CHST15: variants seen among roughly 807,000 people sequenced by gnomAD.
CHST15 encodes the protein B cell RAG associated protein (GALNAC4S-6ST).
CHST15 carries 30 observed loss-of-function variants against 53.6 expected under a neutral mutation model. That is an observed-to-expected ratio of 0.56 (90% CI 0.42 to 0.76). CHST15 has a LOEUF of 0.76. Ranked by LOEUF, CHST15 falls within the 30% of genes least tolerant of loss-of-function variation. CHST15 has a pLI of 0.00. For missense variants in CHST15, 627 were observed against 740.5 expected, an observed-to-expected ratio of 0.85 and a Z score of 1.78; for synonymous variants, 296 against 289.8, an observed-to-expected ratio of 1.02 and a Z score of -0.22.
intron 1 of CHST15, among the ~76,000 whole-genome samples, chr10:124,077,486 T>C (rs555473711): frequency 6.6e-6 from 1 of 152,306 alleles, no homozygotes; most frequent in Admixed American, 6.5e-5. Context: ...CTGTCAAATT[T>C]ACGAGCCGAG....
At chr10:124,010,906 T>G (rs944435169) in intron 7 of CHST15, 5 of 985,310 alleles carry the variant, frequency 5.1e-6, no homozygotes, top group Non-Finnish European at 6.0e-6. Flanking sequence ...AACCTCCATC[T>G]GCAGCAAGGA....
intron 1 of CHST15, among the ~76,000 whole-genome samples, chr10:124,051,566 AC>A (rs1948198292): frequency 6.6e-6 from 1 of 152,196 alleles, no homozygotes; most frequent in Admixed American, 6.5e-5. Flanking sequence ...GGCCCTTGGC[AC>A]TTCCGTTCAT....
chr10:124,042,189 G>GGT, intron 4 of CHST15, 112 bp downstream of exon 4: 1 of 1,107,440 alleles, frequency 9.0e-7, no homozygotes, highest in Admixed American at 2.3e-5. Context: ...AAAGAAGTTT[G>GGT]CTGCCACCAT....
chr10:124,081,761 G>T (rs937962554), intron 1 of CHST15, among the ~76,000 whole-genome samples: 21 of 152,156 alleles, frequency 1.4e-4, no homozygotes, highest in African/African-American at 4.3e-4. Flanking sequence ...ACACCCCCAG[G>T]CCATGCAAGA....
At chr10:124,077,152 T>A (rs1029292030) in intron 1 of CHST15, among the ~76,000 whole-genome samples, 14 of 152,212 alleles carry the variant, frequency 9.2e-5, no homozygotes, top group Non-Finnish European at 1.6e-4. Flanking sequence ...TCATTCCTGG[T>A]ATATGTTAGA....
intron 6 of CHST15, among the ~76,000 whole-genome samples, chr10:124,018,488 T>C (rs1315855137): frequency 2.6e-5 from 4 of 152,222 alleles, no homozygotes; most frequent in Non-Finnish European, 5.9e-5. Flanking sequence ...GGTCATGCAC[T>C]GGGGGAGACA....
chr10:124,089,911 T>C (rs1323238879), intron 1 of CHST15, among the ~76,000 whole-genome samples: 1 of 152,156 alleles, frequency 6.6e-6, no homozygotes, highest in Non-Finnish European at 1.5e-5. Context: ...AGGAATTATA[T>C]GAAAAGGTTC....
intron 5 of CHST15, among the ~76,000 whole-genome samples, chr10:124,034,343 G>A (rs984359202): frequency 1.1e-4 from 16 of 152,136 alleles, no homozygotes; most frequent in African/African-American, 3.6e-4. Context: ...CCTCCTTCTA[G>A]CTGGCAGACT....
At chr10:124,020,961 T>C (rs1442559782) in intron 6 of CHST15, 3 of 1,394,498 alleles carry the variant, frequency 2.2e-6, no homozygotes, top group East Asian at 2.6e-5. Context: ...CCGATTCTAA[T>C]TGCTGGGTGT....
chr10:124,045,133 A>ACAAAAACAAAAAC (rs1564882286), intron 2 of CHST15, among the ~76,000 whole-genome samples: 2 of 145,700 alleles, frequency 1.4e-5, no homozygotes, highest in African/African-American at 5.4e-5. Context: ...AAAAAAAAAA[A>ACAAAAACAAAAAC]AAAAAAAAAA....
At chr10:124,021,979 T>C (rs1046714570) in intron 5 of CHST15, among the ~76,000 whole-genome samples, 1 of 152,174 alleles carries the variant, frequency 6.6e-6, no homozygotes, top group African/African-American at 2.4e-5. Flanking sequence ...CCCCCACATA[T>C]GCACAGGAAT....
At chr10:124,011,905 G>A in intron 7 of CHST15, 6 of 966,066 alleles carry the variant, frequency 6.2e-6, no homozygotes, top group Non-Finnish European at 7.4e-6. Flanking sequence ...ACATCCTGTT[G>A]GTCCTACAAA....
Position 124,077,302 on chromosome 10 carries a change from G to A in CHST15, c.-513+16167C>T, listed in dbSNP as rs114461208. On this transcript the variant is annotated intron_variant, in intron 1 of 7. Transcript: ENST00000435907. ...CTATACCAGGAATGAGGATAGCAAA[G>A]GCTGTTTCCATGAGCCTGTTTATCA... 6.4e-3 allele frequency among the ~76,000 whole-genome samples: 976 copies of A among 152,298 alleles called. 8 individuals carry two copies. The highest frequency in any genetic ancestry group is 0.023 in the African/African-American group (943 of 41,580).
At chr10:124,077,416 G>A (rs1263362432) in intron 1 of CHST15, among the ~76,000 whole-genome samples, 2 of 152,174 alleles carry the variant, frequency 1.3e-5, no homozygotes, top group Admixed American at 1.3e-4. Flanking sequence ...ACGCTAATGT[G>A]ATTACACATT....
chr10:124,060,175 C>A (rs1436711214), intron 1 of CHST15, among the ~76,000 whole-genome samples: 2 of 147,346 alleles, frequency 1.4e-5, no homozygotes, highest in East Asian at 4.2e-4. Context: ...AGCACCCATG[C>A]AGTGTGTGCA....
chr10:124,058,073 T>A lies in CHST15; in HGVS notation c.-512-11349A>T, dbSNP rs1012941670. On this transcript the variant is annotated intron_variant, in intron 1 of 7. Transcript: ENST00000435907. ...AGTGGAGAGAAAAACTATTTCAGAG[T>A]GCTCATTTTATTATTTCCAGTAGTA... is the stretch of plus-strand genomic sequence containing the variant. Among the ~76,000 whole-genome samples the A allele has an allele frequency of 5.9e-5, 9 of 152,040 alleles. No individual in the cohort carries two copies. In the East Asian group the frequency reaches 1.7e-3, roughly 29 times the overall value.
intron 5 of CHST15, among the ~76,000 whole-genome samples, chr10:124,034,309 G>A (rs1223438982): frequency 6.6e-6 from 1 of 152,136 alleles, no homozygotes; most frequent in African/African-American, 2.4e-5. Context: ...GACTACTTGG[G>A]GGGACCATGC....
chr10:124,021,246 G>GGGGGT lies in CHST15; in HGVS notation c.1347+9_1347+10insACCCC. 1 of 1,562,666 alleles carries GGGGGT rather than the reference G, an allele frequency of 6.4e-7. No individual in the cohort carries two copies. The highest frequency in any genetic ancestry group is 8.7e-7 in the Non-Finnish European group (1 of 1,144,760). ...CCAGCTCGGGGGGTACGGGGGGGGG[G>GGGGGT]GGTACACACAGGCATGGCGTTGTTG... is the stretch of plus-strand genomic sequence containing the variant. On this transcript the variant is annotated intron_variant, in intron 6 of 7. Coordinates refer to ENST00000435907, the MANE Select transcript of CHST15 (RefSeq NM_001270764.2).
intron 4 of CHST15, among the ~76,000 whole-genome samples, chr10:124,040,215 C>G (rs1947684590): frequency 6.6e-6 from 1 of 152,206 alleles, no homozygotes. Context: ...ACCTGACTGT[C>G]TTCCTTCCAT....
Sources: gnomAD v4.1 joint callset for allele counts (sites outside exome capture counted in the v4.1 genomes callset) on GRCh38, gnomAD v4.1.1 for gene constraint, MANE v1.5 for transcripts, NCBI Gene and HGNC (gene_info 2026-07-23, HGNC 2026-07-21) for gene names.